GNAI2: variants seen among roughly 807,000 people sequenced by gnomAD.
GNAI2 encodes G protein subunit alpha i2.
In GNAI2, 4 loss-of-function variants were observed where a neutral mutation model predicts 36.8. The ratio of observed to expected loss-of-function variants is 0.11; its 90% CI spans 0.05 to 0.25. The LOEUF is 0.25. GNAI2 is among the 10% of genes least tolerant of loss of function. GNAI2 has a pLI of 1.00. For missense variants in GNAI2, 230 were observed against 481.3 expected (o/e 0.48, Z 4.89); for synonymous variants, 194 against 194.1 (o/e 1.00, Z 0.01).
upstream of GNAI2, among the ~76,000 whole-genome samples, chr3:50,227,710 G>A (rs1700001812): frequency 6.6e-6 from 1 of 152,244 alleles, no homozygotes; most frequent in Non-Finnish European, 1.5e-5. This position sits in a 1 kb window ranked among gnomAD's most constrained non-coding sequence, Gnocchi z 5.9. Context: ...CTAGGAGGTT[G>A]CACTGGGAGT....
rs1700612897 is a variant in GNAI2 at position 50,253,393 on chromosome 3, C to T, written c.464+209C>T. The stretch of plus-strand genomic sequence containing the variant: ...GCCAGGAGGAATGACAGGCAGGTGG[C>T]TTATACAGTACATCTCTTCCAGGCC... On this transcript the variant is annotated intron_variant, in intron 4 of 8. Transcript: ENST00000313601. This position sits in a 1 kb window ranked among gnomAD's most constrained non-coding sequence, Gnocchi z 4.2. 6.6e-6 allele frequency among the ~76,000 whole-genome samples: 1 copy of T among 152,270 alleles called. No homozygotes were observed. Among genetic ancestry groups the T allele is most frequent in the South Asian group, 2.1e-4 (1 of 4,824 alleles).
Position 50,256,234 on chromosome 3 carries a change from C to A in GNAI2, c.507C>A (p.Ile169=). 1 of 1,421,614 alleles carries A rather than the reference C, an allele frequency of 7.0e-7. No individual in the cohort carries two copies. Among genetic ancestry groups the A allele is most frequent in the Non-Finnish European group, 9.6e-7 (1 of 1,047,082 alleles). The allele number at this position is 1,421,614 out of a possible 1,614,324, so 88.1% of individuals were successfully genotyped here. A position where few individuals can be genotyped will look rare whatever the true frequency, so the allele number is the denominator to read the frequency against. ...DLERIAQSDY[I]PTQQDVLRTR... Reference sequence around the variant, plus strand: ...AGCGTATTGCACAGAGTGACTACATCCCCACACAGCAAGATGTGCTACGGA... The same window carrying A: ...AGCGTATTGCACAGAGTGACTACATACCCACACAGCAAGATGTGCTACGGA... Residue 169 remains isoleucine, a synonymous_variant, in exon 5 of 9, where the codon ATC becomes ATA. Coordinates refer to ENST00000313601, the MANE Select transcript of GNAI2 (RefSeq NM_002070.4).
At chr3:50,229,904 A>C (rs1441344045), upstream of GNAI2, 1 of 152,398 alleles carries the variant, frequency 6.6e-6, no homozygotes, top group Middle Eastern at 3.4e-3. Flanking sequence ...GCACATTGGC[A>C]GGCAATATGT....
upstream of GNAI2, chr3:50,229,558 T>A (rs58939948): frequency 0.098 from 14,901 of 152,316 alleles, 1,637 homozygotes; most frequent in African/African-American, 0.27. Flanking sequence ...TGATGCCTCA[T>A]GGCAGTCCCC....
At chr3:50,250,785 G>A (rs1700536739) in intron 1 of GNAI2, among the ~76,000 whole-genome samples, 1 of 150,946 alleles carries the variant, frequency 6.6e-6, no homozygotes, top group Non-Finnish European at 1.5e-5. Context: ...TGGCTCTGTT[G>A]TCTGGGATGG....
At chr3:50,249,434 T>G (rs1344496916) in intron 1 of GNAI2, among the ~76,000 whole-genome samples, 1 of 152,104 alleles carries the variant, frequency 6.6e-6, no homozygotes, top group Non-Finnish European at 1.5e-5. Flanking sequence ...TGGAGGAGTG[T>G]TGGTATGCAG....
rs1047411853 is a variant in GNAI2 at position 50,258,728 on chromosome 3, T to C, written c.*385T>C. On this transcript the variant is annotated 3_prime_UTR_variant, in exon 9 of 9. Coordinates refer to ENST00000313601, the MANE Select transcript of GNAI2 (RefSeq NM_002070.4). The stretch of plus-strand genomic sequence containing the variant: ...CCCAGCTTTGCCCAACACCAGCCCC[T>C]GCCCCAGCCCAAGTCCAAATGTTTA... 1 of 358,554 alleles carries C rather than the reference T, an allele frequency of 2.8e-6. No individual in the cohort carries two copies. Among genetic ancestry groups the C allele is most frequent in the Non-Finnish European group, 5.4e-6 (1 of 184,604 alleles). 22.2% of individuals were successfully genotyped at this position (358,554 alleles called of 1,614,324 possible).
chr3:50,234,486 G>C (rs192402071), upstream of GNAI2, among the ~76,000 whole-genome samples: 795 of 152,006 alleles, frequency 5.2e-3, 7 homozygotes, highest in African/African-American at 0.018. Flanking sequence ...CAAGTAGCTG[G>C]GATTACATGT....
At chr3:50,250,060 T>C (rs931608846) in intron 1 of GNAI2, among the ~76,000 whole-genome samples, 3 of 152,108 alleles carry the variant, frequency 2.0e-5, no homozygotes, top group Admixed American at 1.3e-4. Flanking sequence ...GCAAGTGTGC[T>C]CCCTGCAGAG....
Position 50,242,729 on chromosome 3 carries a change from TGCACATTTACAAG to T in GNAI2, c.118+6279_118+6291del, listed in dbSNP as rs1553701279. Reference sequence around the variant, plus strand: ...GCTGGTTCTTCTGTGCCGGCCTCTGTGCACATTTACAAGGCTTGAAAGGCAGCACCACACCAGT... The same window carrying T: ...GCTGGTTCTTCTGTGCCGGCCTCTGTGCTTGAAAGGCAGCACCACACCAGT... On this transcript the variant is annotated intron_variant, in intron 1 of 8. Transcript: ENST00000313601. The surrounding 1 kb of genome is among the most constrained non-coding windows in gnomAD (Gnocchi z 4.8). Among the ~76,000 whole-genome samples, 1 of 152,180 alleles carries T rather than the reference TGCACATTTACAAG, an allele frequency of 6.6e-6. No homozygotes were observed. Among genetic ancestry groups the T allele is most frequent in the East Asian group, 1.9e-4 (1 of 5,202 alleles).
intron 4 of GNAI2, 139 bp from the exon 5 acceptor site, chr3:50,256,044 CAAAAAAAAA>C (rs1170893603): frequency 3.9e-4 from 55 of 142,704 alleles, no homozygotes; most frequent in African/African-American, 3.1e-3. Context: ...CACTCTGTCT[CAAAAAAAAA>C]AAAAAAAAAA....
chr3:50,256,450 A>G (rs1700706600), intron 5 of GNAI2, 130 bp downstream of exon 5: 2 of 864,268 alleles, frequency 2.3e-6, no homozygotes, highest in South Asian at 1.4e-5. Context: ...GGGCAAGCAC[A>G]TCCTCACCAC....
intron 1 of GNAI2, chr3:50,246,862 T>A (rs1221230673): frequency 2.8e-6 from 4 of 1,421,560 alleles, no homozygotes; most frequent in Non-Finnish European, 3.7e-6. Context: ...TGAAGGGAAG[T>A]GACGACACAG....
intron 1 of GNAI2, among the ~76,000 whole-genome samples, chr3:50,250,469 C>T (rs1046561475): frequency 1.8e-4 from 28 of 152,132 alleles, no homozygotes; most frequent in Non-Finnish European, 7.3e-5. Flanking sequence ...GCATGGGGCA[C>T]GTATTCCCGG....
In GNAI2 at chr3:50,257,055, A is replaced by T. The variant is rs1553703333; in HGVS notation, c.842A>T (p.His281Leu). ...KKDLFEEKIT[H>L]SPLTICFPEY... ...GACCTGTTTGAGGAGAAGATCACAC[A>T]CAGTCCCCTGACCATCTGCTTCCCT... is the stretch of plus-strand genomic sequence containing the variant. The change falls in exon 7 of 9, where the codon CAC becomes CTC. Residue 281 changes from histidine (H) to leucine (L), a missense_variant. Physicochemically the swap from His to Leu is moderately conservative, Grantham distance 99. Around this residue, in one of 4 missense-constraint regions of GNAI2, gnomAD observed 51 missense variants for 56.7 expected, o/e 0.90. Coordinates refer to ENST00000313601, the MANE Select transcript of GNAI2 (RefSeq NM_002070.4). 6.2e-7 allele frequency: 1 copy of T among 1,613,950 alleles called. No homozygotes were observed. The highest frequency in any genetic ancestry group is 1.7e-5 in the Admixed American group (1 of 60,006).
intron 8 of GNAI2, 80 bp downstream of exon 8, chr3:50,257,794 G>T: frequency 1.2e-4 from 41 of 356,332 alleles, no homozygotes; most frequent in East Asian, 2.9e-4. Context: ...CTGGGGGTGG[G>T]TAGGGGGGTG....
chr3:50,254,953 G>A (rs1700653917), intron 4 of GNAI2, among the ~76,000 whole-genome samples: 1 of 152,188 alleles, frequency 6.6e-6, no homozygotes, highest in African/African-American at 2.4e-5. Context: ...GGGTCCCTGG[G>A]GCGAACCCAC....
At position 50,257,722 on chromosome 3, in the gene GNAI2, A is replaced by G; in HGVS notation, c.*24+8A>G. ...GCGGGGCCTGGCGGGATGGTGAGCC[A>G]GAGGGGCTGTGGCAGGGTGCTGGGG... On this transcript the variant is annotated splice_region_variant and intron_variant, in intron 8 of 8. Coordinates refer to ENST00000313601, the MANE Select transcript of GNAI2 (RefSeq NM_002070.4). The G allele has an allele frequency of 7.9e-7, 1 of 1,269,786 alleles. No homozygotes were observed. Among genetic ancestry groups the G allele is most frequent in the Non-Finnish European group, 1.0e-6 (1 of 963,680 alleles). The allele number at this position is 1,269,786 out of a possible 1,614,324, so 78.7% of individuals were successfully genotyped here. A position where few individuals can be genotyped will look rare whatever the true frequency, so the allele number is the denominator to read the frequency against.
At chr3:50,228,781 C>T (rs1559760630), upstream of GNAI2, among the ~76,000 whole-genome samples, 1 of 152,170 alleles carries the variant, frequency 6.6e-6, no homozygotes, top group Non-Finnish European at 1.5e-5. Flanking sequence ...TTTTCAAAAG[C>T]TTTTTCTCCA....
Sources: gnomAD v4.1 joint callset for allele counts (sites outside exome capture counted in the v4.1 genomes callset) on GRCh38, gnomAD v4.1.1 for gene constraint, gnomAD v4.1.1 regional missense constraint, Gnocchi (gnomAD v3.1) non-coding constraint, MANE v1.5 for transcripts, NCBI Gene and HGNC (gene_info 2026-07-23, HGNC 2026-07-21) for gene names.